The following CASK variants were observed in gnomAD, a reference collection of about 807,000 sequenced individuals.
CASK encodes peripheral plasma membrane protein CASK.
In CASK, 4 loss-of-function variants were observed where a neutral mutation model predicts 82.9. The ratio of observed to expected loss-of-function variants is 0.05; its 90% CI spans 0.02 to 0.11. The LOEUF is 0.11. CASK is among the 10% of genes least tolerant of loss of function. The pLI, the probability that CASK is intolerant of heterozygous loss-of-function variation, is 1.00. For missense variants in CASK, 358 were observed against 720.9 expected (o/e 0.50, Z 5.76); for synonymous variants, 259 against 253.5 (o/e 1.02, Z -0.20).
chrX:41,608,152 C>G (rs2065987118), intron 12 of CASK, among the ~76,000 whole-genome samples: 1 of 111,726 alleles, frequency 9.0e-6, no homozygotes, highest in African/African-American at 3.2e-5. Flanking sequence ...CCAAACTGGT[C>G]CTCATCAAAA....
chrX:41,737,563 G>C (rs1199914869), intron 5 of CASK, among the ~76,000 whole-genome samples: 1 of 112,105 alleles, frequency 8.9e-6, no homozygotes, highest in African/African-American at 3.2e-5. Flanking sequence ...AAATTAAAAG[G>C]TGAGGTCAAA....
rs531124727 is a variant in CASK, at chrX:41,638,587, C to T, written c.832-1926G>A. On this transcript the variant is annotated intron_variant, in intron 8 of 26. Coordinates refer to ENST00000378163, the MANE Select transcript of CASK (RefSeq NM_001367721.1). The stretch of plus-strand genomic sequence containing the variant: ...ACAAATTGGGTGGTCAGAGTAGGCC[C>T]AATGGAGAAAGTGACATTTAGAAGA... Among the ~76,000 whole-genome samples the T allele has an allele frequency of 3.3e-3, 367 of 110,823 alleles. 3 individuals carry two copies. Among genetic ancestry groups the T allele is most frequent in the Middle Eastern group, 0.014 (3 of 217 alleles).
intron 1 of CASK, among the ~76,000 whole-genome samples, chrX:41,900,450 G>A (rs959133837): frequency 9.1e-6 from 1 of 110,330 alleles, no homozygotes; most frequent in Non-Finnish European, 1.9e-5. Context: ...TCATTTAGTT[G>A]TCTTTTTCTT....
At chrX:41,800,757 G>GT (rs1415393575) in intron 2 of CASK, among the ~76,000 whole-genome samples, 2 of 110,457 alleles carry the variant, frequency 1.8e-5, no homozygotes, top group Non-Finnish European at 3.8e-5. Context: ...GCGGTGTTTG[G>GT]TTTTTTGTCC....
At chrX:41,601,900 C>G (rs1027082867) in intron 12 of CASK, among the ~76,000 whole-genome samples, 3 of 111,286 alleles carry the variant, frequency 2.7e-5, no homozygotes, top group Non-Finnish European at 5.7e-5. Flanking sequence ...AAAAAAAAGA[C>G]TATCCCCCTT....
intron 9 of CASK, among the ~76,000 whole-genome samples, chrX:41,627,270 C>T (rs1407142599): frequency 8.9e-6 from 1 of 112,013 alleles, no homozygotes. Context: ...GAATCAACTA[C>T]ATATGACTCT....
At chrX:41,665,051 T>C (rs1283233640) in intron 7 of CASK, among the ~76,000 whole-genome samples, 1 of 112,637 alleles carries the variant, frequency 8.9e-6, no homozygotes, top group East Asian at 2.8e-4. Flanking sequence ...TCATAAATGT[T>C]TTCTTCACCA....
At chrX:41,881,844 A>C (rs2071959176) in intron 1 of CASK, among the ~76,000 whole-genome samples, 1 of 111,495 alleles carries the variant, frequency 9.0e-6, no homozygotes, top group African/African-American at 3.3e-5. Flanking sequence ...GACCATCTAC[A>C]ATTATAGCAA....
rs181108414 is a variant in CASK at position 41,553,350 on chromosome X, G to C, written c.2039+369C>G. Among the ~76,000 whole-genome samples the C allele has an allele frequency of 1.6e-3, 175 of 111,509 alleles. No individual in the cohort carries two copies. In the East Asian group the frequency reaches 0.019, roughly 12 times the overall value. On this transcript the variant is annotated intron_variant, in intron 21 of 26. Coordinates refer to ENST00000378163, the MANE Select transcript of CASK (RefSeq NM_001367721.1). ...TTTTGCTGGTGGTGGGAATGGGATGGGCATGAAAGCATGTAGAAGGGCAAG... is the reference window on the plus strand; with the variant it reads ...TTTTGCTGGTGGTGGGAATGGGATGCGCATGAAAGCATGTAGAAGGGCAAG...
intron 3 of CASK, among the ~76,000 whole-genome samples, chrX:41,748,795 C>T (rs1303117124): frequency 2.7e-5 from 3 of 111,271 alleles, no homozygotes; most frequent in Non-Finnish European, 3.8e-5. Flanking sequence ...GGAACCAGTC[C>T]GTGAGAAATA....
intron 5 of CASK, among the ~76,000 whole-genome samples, chrX:41,683,644 G>A (rs1022454659): frequency 1.3e-4 from 14 of 111,553 alleles, no homozygotes; most frequent in South Asian, 7.6e-4. Flanking sequence ...CTATGTTATT[G>A]GTAAGGCTTC....
intron 10 of CASK, among the ~76,000 whole-genome samples, chrX:41,625,708 T>C (rs981388577): frequency 1.2e-4 from 13 of 111,548 alleles, no homozygotes; most frequent in Non-Finnish European, 2.3e-4. Flanking sequence ...GGGGTACTTA[T>C]ATACAGTTCA....
Position 41,751,681 on chromosome X carries a change from T to C in CASK, c.279-6080A>G, listed in dbSNP as rs769987400. On this transcript the variant is annotated intron_variant, in intron 3 of 26. Transcript: ENST00000378163. ...CACCCTTTGCTCCTGGCTGGGACCA[T>C]AGAGCTGCACTATGAAAAATGGGGT... Among the ~76,000 whole-genome samples the C allele has an allele frequency of 1.2e-3, 138 of 110,507 alleles. 1 individual carries two copies. Among genetic ancestry groups the C allele is most frequent in the African/African-American group, 4.3e-3 (132 of 30,362 alleles).
At chrX:41,582,173 C>G (rs779587619) in intron 14 of CASK, among the ~76,000 whole-genome samples, 6 of 110,583 alleles carry the variant, frequency 5.4e-5, no homozygotes, top group East Asian at 2.8e-4. Context: ...TCTTATCCCC[C>G]CTACAGTCCG....
chrX:41,594,335 G>A (rs1250971912), intron 12 of CASK, among the ~76,000 whole-genome samples: 2 of 112,091 alleles, frequency 1.8e-5, no homozygotes, highest in Non-Finnish European at 3.8e-5. Flanking sequence ...GGGAGGAAAG[G>A]AGAGGGGATT....
At chrX:41,574,087 T>TA (rs1395462760) in intron 15 of CASK, among the ~76,000 whole-genome samples, 1 of 111,166 alleles carries the variant, frequency 9.0e-6, no homozygotes, top group African/African-American at 3.3e-5. Flanking sequence ...AATTTCCTAT[T>TA]AGACATGCAC....
chrX:41,649,069 T>C (rs983533238), intron 8 of CASK, among the ~76,000 whole-genome samples: 5 of 111,884 alleles, frequency 4.5e-5, no homozygotes, highest in African/African-American at 1.6e-4. Context: ...TCTCTGATGG[T>C]AGTTTGTATT....
intron 5 of CASK, chrX:41,683,224 AC>A (rs1421033905): frequency 8.9e-6 from 1 of 111,869 alleles, no homozygotes; most frequent in African/African-American, 3.3e-5. Context: ...ATTCACAGGC[AC>A]AATCCCACTA....
intron 1 of CASK, among the ~76,000 whole-genome samples, chrX:41,889,364 G>T (rs911819628): frequency 3.7e-5 from 4 of 109,010 alleles, no homozygotes; most frequent in Non-Finnish European, 7.6e-5. Flanking sequence ...AGGTGGTATT[G>T]CATTGTGGTT....
Sources: allele counts gnomAD v4.1 joint callset (sites outside exome capture counted in the v4.1 genomes callset), GRCh38; gene constraint gnomAD v4.1.1; transcripts MANE v1.5; gene names NCBI Gene and HGNC (gene_info 2026-07-23, HGNC 2026-07-21).